Variants in HERPUD2 observed in about 807,000 individuals in gnomAD.
HERPUD2 encodes HERPUD family member 2.
In HERPUD2, 13 loss-of-function variants were observed where a neutral mutation model predicts 49.9. That is an observed-to-expected ratio of 0.26 (90% confidence interval 0.17 to 0.41). The LOEUF (loss-of-function observed/expected upper bound fraction) is 0.41. HERPUD2 is among the 10% of genes least tolerant of loss of function. HERPUD2 has a pLI of 1.00. For missense variants in HERPUD2, 449 were observed against 492.2 expected (o/e 0.91, Z 0.83); for synonymous variants, 172 against 171.4 (o/e 1.00, Z -0.03).
rs968817578 is a variant in HERPUD2 at position 35,637,316 on chromosome 7, T to C, written c.617+1034A>G. ...AATGAGAAAAGATCTGGGTGAAACATTGGAGGTAGCATATGGGGAAGGACA... is the reference window on the plus strand; with the variant it reads ...AATGAGAAAAGATCTGGGTGAAACACTGGAGGTAGCATATGGGGAAGGACA... On this transcript the variant is annotated intron_variant, in intron 6 of 8. Coordinates refer to ENST00000311350, the MANE Select transcript of HERPUD2 (RefSeq NM_022373.5). Among the ~76,000 whole-genome samples, 7 of 152,062 alleles carry C rather than the reference T, an allele frequency of 4.6e-5. No individual in the cohort carries two copies. In the South Asian group the frequency reaches 1.0e-3, roughly 23 times the overall value.
Position 35,686,863 on chromosome 7 carries a change from C to T in HERPUD2, c.147+7321G>A, listed in dbSNP as rs1332397877. On this transcript the variant is annotated intron_variant, in intron 2 of 8. Transcript: ENST00000311350. ...GGCGCGAGTCACGAGGTCAGGAGTT[C>T]GAGACCAGCCTGGCTAACATGGTGA... Among the ~76,000 whole-genome samples the T allele has an allele frequency of 3.8e-5, 4 of 106,384 alleles. No homozygotes were observed. The South Asian group carries it at 1.5e-3, about 40-fold the overall frequency. 69.8% of individuals were successfully genotyped at this position (106,384 alleles called of 152,430 possible). A position where few individuals can be genotyped will look rare whatever the true frequency, so the allele number is the denominator to read the frequency against.
chr7:35,681,159 T>C lies in HERPUD2; in HGVS notation c.148-7881A>G, dbSNP rs78447752. 5.3e-3 allele frequency among the ~76,000 whole-genome samples: 802 copies of C among 152,344 alleles called. 12 individuals are homozygous for C. The highest frequency in any genetic ancestry group is 0.018 in the African/African-American group (765 of 41,586). On this transcript the variant is annotated intron_variant, in intron 2 of 8. Coordinates refer to ENST00000311350, the MANE Select transcript of HERPUD2 (RefSeq NM_022373.5). Reference sequence around the variant, plus strand: ...AAATTATGATAAAGAAGCAATCATATATTAGTATTTTAGTATTTTTTCTTT... The same window carrying C: ...AAATTATGATAAAGAAGCAATCATACATTAGTATTTTAGTATTTTTTCTTT...
chr7:35,645,939 C>A (rs892775003), intron 5 of HERPUD2, among the ~76,000 whole-genome samples: 13 of 152,228 alleles, frequency 8.5e-5, no homozygotes, highest in Non-Finnish European at 7.4e-5. Flanking sequence ...GAACACGGTA[C>A]CACTCACATG....
chr7:35,635,210 A>G lies in HERPUD2; in HGVS notation c.866T>C (p.Leu289Pro). The G allele has an allele frequency of 1.2e-6, 2 of 1,614,196 alleles. No individual in the cohort carries two copies. The highest frequency in any genetic ancestry group is 1.7e-6 in the Non-Finnish European group (2 of 1,180,008). The change falls in exon 7 of 9, where the codon CTC becomes CCC. Residue 289 changes from leucine (L) to proline (P), a missense_variant. Physicochemically the swap from Leu to Pro is moderately conservative, Grantham distance 98. Transcript: ENST00000311350. ...WMYTFSRAAI[L>P]LSIVYFYSSF... ...AGAATAGAAGTATACAATGCTAAGG[A>G]GAATCGCAGCTCGTGAGAACGTGTA...
chr7:35,638,245 A>G, intron 6 of HERPUD2, 105 bp downstream of exon 6: 1 of 1,145,454 alleles, frequency 8.7e-7, no homozygotes, highest in South Asian at 2.1e-5. Flanking sequence ...AAACAACATT[A>G]AATACATAAA....
intron 5 of HERPUD2, among the ~76,000 whole-genome samples, chr7:35,658,328 G>T (rs1171570883): frequency 6.6e-6 from 1 of 152,184 alleles, no homozygotes; most frequent in Non-Finnish European, 1.5e-5. Flanking sequence ...GGCTAGGAAG[G>T]GTGCTGGGAG....
chr7:35,639,288 A>G, intron 5 of HERPUD2, among the ~76,000 whole-genome samples: 1 of 151,752 alleles, frequency 6.6e-6, no homozygotes, highest in Admixed American at 6.6e-5. Context: ...CCCGCCTTGG[A>G]CTCCCAGAGT....
chr7:35,633,853 T>C lies in HERPUD2; in HGVS notation c.1060-2A>G. The C allele has an allele frequency of 6.2e-7, 1 of 1,611,868 alleles. No homozygotes were observed. The highest frequency in any genetic ancestry group is 8.5e-7 in the Non-Finnish European group (1 of 1,179,236). ...AAGCCCATCATCCATAAGACGCTCC[T>C]TTCAAGCAAAACAAGAAAGATACTC... On this transcript the variant is annotated splice_acceptor_variant, in intron 8 of 8. Coordinates refer to ENST00000311350, the MANE Select transcript of HERPUD2 (RefSeq NM_022373.5). LOFTEE classifies it high-confidence loss of function.
At chr7:35,663,613 T>A (rs13237177) in intron 5 of HERPUD2, among the ~76,000 whole-genome samples, 3 of 152,112 alleles carry the variant, frequency 2.0e-5, no homozygotes, top group African/African-American at 4.8e-5. Flanking sequence ...ATATTTAAGA[T>A]AGTTAGCTCC....
chr7:35,690,576 G>A (rs560038182), intron 2 of HERPUD2, among the ~76,000 whole-genome samples: 50 of 152,332 alleles, frequency 3.3e-4, no homozygotes, highest in African/African-American at 1.0e-3. Flanking sequence ...TCGGGAGGCC[G>A]AGGTGGGTGG....
chr7:35,690,075 T>C (rs1038477149), intron 2 of HERPUD2, among the ~76,000 whole-genome samples: 1 of 152,200 alleles, frequency 6.6e-6, no homozygotes, highest in African/African-American at 2.4e-5. Flanking sequence ...AGTCTGAAAC[T>C]CAAGTAAAAG....
chr7:35,674,312 T>C (rs1234676030), intron 2 of HERPUD2, among the ~76,000 whole-genome samples: 1 of 148,512 alleles, frequency 6.7e-6, no homozygotes, highest in Admixed American at 6.8e-5. Context: ...CAAATGCACA[T>C]GTACAAACTC....
At chr7:35,635,505 C>A (rs1187028401) in intron 6 of HERPUD2, 47 bp from the exon 7 acceptor site, 3 of 1,490,524 alleles carry the variant, frequency 2.0e-6, no homozygotes, top group South Asian at 1.3e-5. Context: ...AAAAACTTTA[C>A]CATACCATAT....
intron 5 of HERPUD2, among the ~76,000 whole-genome samples, chr7:35,650,402 C>T (rs1241554994): frequency 1.3e-5 from 2 of 152,118 alleles, no homozygotes; most frequent in Non-Finnish European, 2.9e-5. Context: ...TTAATGCACA[C>T]GGGCCCCGAG....
At chr7:35,645,636 T>A (rs78393183) in intron 5 of HERPUD2, among the ~76,000 whole-genome samples, 1 of 152,134 alleles carries the variant, frequency 6.6e-6, no homozygotes, top group Non-Finnish European at 1.5e-5. Flanking sequence ...GTCATATTTT[T>A]ATAACATTAA....
rs150049078 is a variant in HERPUD2, at chr7:35,675,458, TA to T, written c.148-2181del. ...TAATGTACTTATTACAATTTGAACC[TA>T]AAGAAGTTTCTTGTATTACAGTCAT... On this transcript the variant is annotated intron_variant, in intron 2 of 8. Transcript: ENST00000311350. Among the ~76,000 whole-genome samples, 1,350 of 152,336 alleles carry T rather than the reference TA, an allele frequency of 8.9e-3. 21 individuals carry two copies. The highest frequency in any genetic ancestry group is 0.032 in the African/African-American group (1,318 of 41,568).
chr7:35,677,148 C>G (rs1315000477), intron 2 of HERPUD2, among the ~76,000 whole-genome samples: 3 of 152,114 alleles, frequency 2.0e-5, no homozygotes, highest in Non-Finnish European at 4.4e-5. Context: ...TTGGATTGCC[C>G]TTACAATGCT....
At chr7:35,652,321 A>G (rs1170951927) in intron 5 of HERPUD2, among the ~76,000 whole-genome samples, 3 of 150,440 alleles carry the variant, frequency 2.0e-5, no homozygotes, top group Admixed American at 2.0e-4. Flanking sequence ...CTTTTTACCA[A>G]CCTGCAAGTT....
chr7:35,678,921 C>T (rs1785822267), intron 2 of HERPUD2, among the ~76,000 whole-genome samples: 1 of 152,158 alleles, frequency 6.6e-6, no homozygotes, highest in Admixed American at 6.5e-5. Flanking sequence ...CTGGAAAACT[C>T]AGTATTTGGG....
Sources: gnomAD v4.1 joint callset for allele counts (sites outside exome capture counted in the v4.1 genomes callset) on GRCh38, gnomAD v4.1.1 for gene constraint, MANE v1.5 for transcripts, NCBI Gene and HGNC (gene_info 2026-07-23, HGNC 2026-07-21) for gene names.